Variants in AHR observed in about 807,000 individuals in gnomAD.
The protein encoded by AHR is aryl hydrocarbon receptor, also known as AH-receptor.
AHR carries 40 observed loss-of-function variants against 86.8 expected under a neutral mutation model. The observed-to-expected ratio is 0.46, with a 90% confidence interval of 0.36 to 0.60. The LOEUF (loss-of-function observed/expected upper bound fraction) is 0.60. Among genes scored for constraint, AHR ranks in the 20% least tolerant of loss-of-function variants. The probability of loss-of-function intolerance (pLI) is 0.00; values close to 1 mark genes in which losing one functional copy is unlikely to be tolerated. For missense variants in AHR, 1,001 were observed against 1,011.6 expected (o/e 0.99, Z 0.14); for synonymous variants, 398 against 354.9 (o/e 1.12, Z -1.37).
At chr7:17,321,269 T>C (rs1279000374) in intron 2 of AHR, among the ~76,000 whole-genome samples, 1 of 152,104 alleles carries the variant, frequency 6.6e-6, no homozygotes, top group East Asian at 1.9e-4. Flanking sequence ...TTACAGCTAC[T>C]GTTTGTTGAA....
intron 2 of AHR, among the ~76,000 whole-genome samples, chr7:17,318,177 A>C (rs1782135165): frequency 6.6e-6 from 1 of 152,144 alleles, no homozygotes; most frequent in African/African-American, 2.4e-5. Flanking sequence ...ATAGTAACAA[A>C]ATACAAAATA....
chr7:17,317,544 T>G (rs1782128774), intron 2 of AHR, among the ~76,000 whole-genome samples: 1 of 152,148 alleles, frequency 6.6e-6, no homozygotes, highest in Non-Finnish European at 1.5e-5. Flanking sequence ...TTTTAAGAAG[T>G]ATGAGGGAAT....
intron 3 of AHR, among the ~76,000 whole-genome samples, chr7:17,324,785 A>G (rs926010396): frequency 5.3e-5 from 8 of 151,398 alleles, no homozygotes; most frequent in African/African-American, 1.9e-4. Flanking sequence ...CCGGGTGACA[A>G]TGCGAGACTC....
chr7:17,324,864 T>C (rs1408329151), intron 3 of AHR, among the ~76,000 whole-genome samples: 1 of 152,178 alleles, frequency 6.6e-6, no homozygotes, highest in African/African-American at 2.4e-5. Flanking sequence ...AATTTATTAC[T>C]ATTTTACAAG....
chr7:17,329,757 T>C, intron 4 of AHR, 195 bp from the exon 5 acceptor site: 1 of 388,236 alleles, frequency 2.6e-6, no homozygotes, highest in South Asian at 4.5e-5. Flanking sequence ...TTTTGGCTTA[T>C]CTGTTGTAGT....
intron 9 of AHR, among the ~76,000 whole-genome samples, chr7:17,338,700 C>T (rs1445753909): frequency 6.6e-6 from 1 of 152,028 alleles, no homozygotes; most frequent in African/African-American, 2.4e-5. Flanking sequence ...ATTTATTCCA[C>T]ACAAATTTAT....
Position 17,309,929 on chromosome 7 carries a change from T to C in AHR, c.66-7T>C. On this transcript the variant is annotated splice_region_variant and splice_polypyrimidine_tract_variant and intron_variant, in intron 1 of 10. Coordinates refer to ENST00000242057, the MANE Select transcript of AHR (RefSeq NM_001621.5). ...GGATTTTTTATGGTATTTTGTTTGTTTTTCAGAGTAAAGCCAATCCCAGCT... is the reference window on the plus strand; with the variant it reads ...GGATTTTTTATGGTATTTTGTTTGTCTTTCAGAGTAAAGCCAATCCCAGCT... The C allele has an allele frequency of 6.5e-7, 1 of 1,532,398 alleles. No homozygotes were observed. Among genetic ancestry groups the C allele is most frequent in the Non-Finnish European group, 8.9e-7 (1 of 1,127,704 alleles). The allele number at this position is 1,532,398 out of a possible 1,614,324, so 94.9% of individuals were successfully genotyped here. A position where few individuals can be genotyped will look rare whatever the true frequency, so the allele number is the denominator to read the frequency against.
Position 17,299,219 on chromosome 7 carries a change from C to T in AHR, c.-46C>T. ...CAGCCTACACCGGGTTCCGGGGACCCGGCCGCCAGTGCCCGGGGAGTAGCC... is the reference window on the plus strand; with the variant it reads ...CAGCCTACACCGGGTTCCGGGGACCTGGCCGCCAGTGCCCGGGGAGTAGCC... On this transcript the variant is annotated 5_prime_UTR_variant, in exon 1 of 11. Transcript: ENST00000242057. 6.3e-7 allele frequency: 1 copy of T among 1,597,074 alleles called. No homozygotes were observed.
At chr7:17,307,188 C>T (rs1782014403) in intron 1 of AHR, among the ~76,000 whole-genome samples, 1 of 152,004 alleles carries the variant, frequency 6.6e-6, no homozygotes, top group African/African-American at 2.4e-5. Context: ...ACTATTAGTT[C>T]TCCCTGTGTC....
At chr7:17,338,741 T>TAGGG (rs1562482202) in intron 9 of AHR, among the ~76,000 whole-genome samples, 3 of 152,150 alleles carry the variant, frequency 2.0e-5, no homozygotes, top group Admixed American at 2.0e-4. Context: ...GGGTGTCAGG[T>TAGGG]AGGGATGTAA....
rs562647155 is a variant in AHR at position 17,303,717 on chromosome 7, G to A, written c.65+4388G>A. Among the ~76,000 whole-genome samples, 6 of 152,068 alleles carry A rather than the reference G, an allele frequency of 3.9e-5. No homozygotes were observed. In the East Asian group the frequency reaches 7.7e-4, roughly 20 times the overall value. Reference sequence around the variant, plus strand: ...ATATTTCAGAGAATACCCTTGGGACGTGTAAATTTTAATGCAAATTTATTT... The same window carrying A: ...ATATTTCAGAGAATACCCTTGGGACATGTAAATTTTAATGCAAATTTATTT... On this transcript the variant is annotated intron_variant, in intron 1 of 10. Coordinates refer to ENST00000242057, the MANE Select transcript of AHR (RefSeq NM_001621.5).
intron 1 of AHR, among the ~76,000 whole-genome samples, chr7:17,304,420 C>A (rs527888714): frequency 2.0e-5 from 3 of 152,152 alleles, no homozygotes; most frequent in South Asian, 2.1e-4. Context: ...TTATTGATTT[C>A]TTTTCTACCA....
intron 3 of AHR, among the ~76,000 whole-genome samples, chr7:17,325,061 T>C (rs1782214261): frequency 6.6e-6 from 1 of 152,198 alleles, no homozygotes; most frequent in Non-Finnish European, 1.5e-5. Flanking sequence ...TAAGTGAGCT[T>C]AACAAAATTT....
chr7:17,318,899 A>G (rs1782142482), intron 2 of AHR, among the ~76,000 whole-genome samples: 1 of 152,100 alleles, frequency 6.6e-6, no homozygotes, highest in South Asian at 2.1e-4. Flanking sequence ...AAGAGAAAAT[A>G]TATTTACTGT....
intron 10 of AHR, among the ~76,000 whole-genome samples, chr7:17,342,195 AG>A (rs1782433481): frequency 1.3e-4 from 20 of 152,166 alleles, no homozygotes; most frequent in Admixed American, 1.2e-3. Flanking sequence ...TAAAATATAA[AG>A]GCTCTGTAAT....
Position 17,324,355 on chromosome 7 carries a change from A to C in AHR, c.360+1748A>C, listed in dbSNP as rs1260380443. On this transcript the variant is annotated intron_variant, in intron 3 of 10. Coordinates refer to ENST00000242057, the MANE Select transcript of AHR (RefSeq NM_001621.5). ...TTGATTATAACAATTGCATAATGAC[A>C]TCTGACTTTATATTGCAACCGACGG... Among the ~76,000 whole-genome samples, 2 of 152,214 alleles carry C rather than the reference A, an allele frequency of 1.3e-5. 1 individual carries two copies.
At chr7:17,330,103 G>A (rs1412067769) in intron 5 of AHR, 28 bp downstream of exon 5, 31 of 1,600,246 alleles carry the variant, frequency 1.9e-5, no homozygotes, top group Non-Finnish European at 2.6e-5. Flanking sequence ...AAAAAATAGT[G>A]TTGGTAGTTT....
intron 2 of AHR, among the ~76,000 whole-genome samples, chr7:17,317,430 G>A (rs905968450): frequency 2.2e-4 from 33 of 151,962 alleles, no homozygotes; most frequent in African/African-American, 7.5e-4. Context: ...CTGTTATTGC[G>A]CTATGTCTTA....
chr7:17,330,488 A>G (rs1782276023), intron 5 of AHR, among the ~76,000 whole-genome samples: 2 of 151,980 alleles, frequency 1.3e-5, no homozygotes, highest in Admixed American at 6.6e-5. Flanking sequence ...AATTTGTTAA[A>G]GTGTTAAGAA....
Sources: allele counts gnomAD v4.1 joint callset (sites outside exome capture counted in the v4.1 genomes callset), GRCh38; gene constraint gnomAD v4.1.1; transcripts MANE v1.5; gene names NCBI Gene and HGNC (gene_info 2026-07-23, HGNC 2026-07-21).